The following NRXN1 variants were observed in gnomAD, a reference collection of about 807,000 sequenced individuals.
The protein encoded by NRXN1 is neurexin-1.
NRXN1 carries 39 observed loss-of-function variants against 150.9 expected under a neutral mutation model. The ratio of observed to expected loss-of-function variants is 0.26; its 90% CI spans 0.20 to 0.34. NRXN1 has a LOEUF of 0.34. Among genes scored for constraint, NRXN1 ranks in the 10% least tolerant of loss-of-function variants. The pLI is 1.00. For missense variants in NRXN1, 1,815 were observed against 1,949.9 expected (o/e 0.93, Z 1.30); for synonymous variants, 924 against 757.0 (o/e 1.22, Z -3.62).
At chr2:50,465,297 T>C (rs2088700937) in intron 17 of NRXN1, 145 bp downstream of exon 17, 2 of 667,678 alleles carry the variant, frequency 3.0e-6, no homozygotes, top group South Asian at 1.4e-4. Flanking sequence ...AAAACTGTCC[T>C]TTCCGTAGAA....
intron 2 of NRXN1, among the ~76,000 whole-genome samples, chr2:50,942,843 T>C (rs913047962): frequency 2.0e-5 from 3 of 152,150 alleles, no homozygotes; most frequent in Admixed American, 6.5e-5. Context: ...TGGGGGACTG[T>C]TGGGAAGGCA....
intron 17 of NRXN1, among the ~76,000 whole-genome samples, chr2:50,427,707 G>A (rs986399205): frequency 2.6e-5 from 4 of 152,194 alleles, no homozygotes; most frequent in Admixed American, 2.6e-4. Context: ...AAGTTGAGGT[G>A]CTACCTGCCC....
Position 50,032,909 on chromosome 2 carries a change from T to G in NRXN1, c.4128+20362A>C, listed in dbSNP as rs979846076. On this transcript the variant is annotated intron_variant, in intron 21 of 22. Coordinates refer to ENST00000401669, the MANE Select transcript of NRXN1 (RefSeq NM_001330078.2). Reference sequence around the variant, plus strand: ...TTTCTGTTGTTTAAGCTACTCAGTCTGCAGTGTTTTCTTTTATACACACAC... The same window carrying G: ...TTTCTGTTGTTTAAGCTACTCAGTCGGCAGTGTTTTCTTTTATACACACAC... Among the ~76,000 whole-genome samples the G allele has an allele frequency of 6.6e-5, 10 of 151,746 alleles. No individual in the cohort carries two copies. The South Asian group carries it at 1.0e-3, about 16-fold the overall frequency.
intron 5 of NRXN1, among the ~76,000 whole-genome samples, chr2:50,753,955 A>ATTT (rs11450042): frequency 1.9e-5 from 2 of 107,600 alleles, no homozygotes; most frequent in Non-Finnish European, 3.5e-5. Flanking sequence ...CATCATGACG[A>ATTT]TTTTTTTTTG....
intron 18 of NRXN1, among the ~76,000 whole-genome samples, chr2:50,102,898 T>G (rs1352904527): frequency 6.6e-6 from 1 of 151,994 alleles, no homozygotes. Flanking sequence ...TTCAAAATAT[T>G]TGTATAAGAT....
At chr2:50,805,202 C>T (rs1179336225) in intron 5 of NRXN1, among the ~76,000 whole-genome samples, 1 of 151,854 alleles carries the variant, frequency 6.6e-6, no homozygotes, top group Non-Finnish European at 1.5e-5. Flanking sequence ...AAAGGAATTG[C>T]ACAAATTACC....
intron 19 of NRXN1, among the ~76,000 whole-genome samples, chr2:50,082,676 T>C (rs1313438708): frequency 1.3e-5 from 2 of 152,218 alleles, no homozygotes; most frequent in South Asian, 2.1e-4. Flanking sequence ...TTAAATAAGC[T>C]TAAGTTTAGC....
intron 17 of NRXN1, among the ~76,000 whole-genome samples, chr2:50,288,639 G>A (rs1459061844): frequency 6.6e-6 from 1 of 152,102 alleles, no homozygotes; most frequent in Non-Finnish European, 1.5e-5. Context: ...CATGGTAGCA[G>A]GCAAGAGAGA....
chr2:50,359,379 G>A (rs2079032954), intron 17 of NRXN1, among the ~76,000 whole-genome samples: 1 of 151,710 alleles, frequency 6.6e-6, no homozygotes, highest in Non-Finnish European at 1.5e-5. Context: ...TAGACAAATT[G>A]CTAATTAGAA....
chr2:50,368,342 T>G (rs1008791131), intron 17 of NRXN1, among the ~76,000 whole-genome samples: 12 of 151,924 alleles, frequency 7.9e-5, no homozygotes, highest in African/African-American at 2.7e-4. Context: ...AAATCCTGTA[T>G]GAAGAATTGA....
At chr2:50,790,077 T>C (rs1247740723) in intron 5 of NRXN1, among the ~76,000 whole-genome samples, 7 of 152,008 alleles carry the variant, frequency 4.6e-5, no homozygotes, top group African/African-American at 1.7e-4. Context: ...TCCCACAGTA[T>C]CAGCCTAAAA....
intron 21 of NRXN1, among the ~76,000 whole-genome samples, chr2:49,950,894 T>A (rs1177628731): frequency 6.6e-6 from 1 of 152,038 alleles, no homozygotes; most frequent in Non-Finnish European, 1.5e-5. Flanking sequence ...TTTAATGTTC[T>A]TTCCCAATTG....
chr2:50,336,255 G>C (rs2077184299), intron 17 of NRXN1, among the ~76,000 whole-genome samples: 1 of 152,154 alleles, frequency 6.6e-6, no homozygotes, highest in African/African-American at 2.4e-5. Context: ...GAACAATGTA[G>C]TTAAGAGACT....
chr2:50,246,796 C>G (rs532060536), intron 17 of NRXN1, among the ~76,000 whole-genome samples: 71 of 152,184 alleles, frequency 4.7e-4, no homozygotes, highest in Non-Finnish European at 9.1e-4. Context: ...CGCCTTTCAA[C>G]ATCCACTAAC....
intron 2 of NRXN1, among the ~76,000 whole-genome samples, chr2:51,022,768 A>G (rs1208995744): frequency 6.6e-6 from 1 of 152,212 alleles, no homozygotes; most frequent in Non-Finnish European, 1.5e-5. Flanking sequence ...ACAAGCACCT[A>G]CAAAATATTT....
chr2:50,373,378 T>C (rs186954042), intron 17 of NRXN1, among the ~76,000 whole-genome samples: 38 of 148,604 alleles, frequency 2.6e-4, no homozygotes, highest in African/African-American at 8.4e-4. Flanking sequence ...GAGATCAGGA[T>C]AAAAATTGTT....
chr2:50,503,503 C>T (rs532963422), intron 13 of NRXN1, among the ~76,000 whole-genome samples: 29 of 141,656 alleles, frequency 2.0e-4, no homozygotes, highest in African/African-American at 7.7e-4. Context: ...AATAGTGGGT[C>T]TACAACAATA....
intron 8 of NRXN1, among the ~76,000 whole-genome samples, chr2:50,562,746 T>C (rs1258165391): frequency 6.6e-6 from 1 of 152,118 alleles, no homozygotes; most frequent in African/African-American, 2.4e-5. Context: ...AATAATTATT[T>C]TTCCGACTTG....
intron 5 of NRXN1, among the ~76,000 whole-genome samples, chr2:50,791,255 T>C (rs891677946): frequency 2.8e-5 from 4 of 145,432 alleles, no homozygotes; most frequent in African/African-American, 1.0e-4. Context: ...GGAAATTGGA[T>C]AAGTTCCCTT....
Sources: allele counts gnomAD v4.1 joint callset (sites outside exome capture counted in the v4.1 genomes callset), GRCh38; gene constraint gnomAD v4.1.1; transcripts MANE v1.5; gene names NCBI Gene and HGNC (gene_info 2026-07-23, HGNC 2026-07-21).